The following SMG6 variants were observed in gnomAD, a reference collection of about 807,000 sequenced individuals.
SMG6 encodes the protein telomerase-binding protein EST1A.
In SMG6, 66 loss-of-function variants were observed where a neutral mutation model predicts 142.2. The ratio of observed to expected loss-of-function variants is 0.46; its 90% CI spans 0.38 to 0.57. The LOEUF (loss-of-function observed/expected upper bound fraction) is 0.57. SMG6 is among the 20% of genes least tolerant of loss of function. The pLI is 0.00. For synonymous variants in SMG6, 779 were observed against 702.4 expected (o/e 1.11, Z -1.72); for missense variants, 1,793 against 1,832.0 (o/e 0.98, Z 0.39).
rs971863217 is a variant in SMG6, at chr17:2,061,141, G to A, written c.*351C>T. ...TGTCTCCACTGGAGAAAGTGGCTGC[G>A]TCCCCAGGCGAGAAGGCCCTCCCTC... is the stretch of plus-strand genomic sequence containing the variant. On this transcript the variant is annotated 3_prime_UTR_variant, in exon 19 of 19. Coordinates refer to ENST00000263073, the MANE Select transcript of SMG6 (RefSeq NM_017575.5). 3.2e-5 allele frequency: 7 copies of A among 215,816 alleles called. No individual in the cohort carries two copies. The highest frequency in any genetic ancestry group is 1.6e-4 in the Admixed American group (3 of 19,252). 13.4% of individuals were successfully genotyped at this position (215,816 alleles called of 1,614,324 possible). A position where few individuals can be genotyped will look rare whatever the true frequency, so the allele number is the denominator to read the frequency against.
chr17:2,242,855 T>A (rs924825489), intron 9 of SMG6, among the ~76,000 whole-genome samples: 2 of 152,190 alleles, frequency 1.3e-5, no homozygotes, highest in Non-Finnish European at 2.9e-5. Flanking sequence ...CAGCCTTACA[T>A]TACTCACTAG....
chr17:2,130,266 C>CAAGAAAAAAAA (rs2070070037), intron 13 of SMG6, among the ~76,000 whole-genome samples: 1 of 39,532 alleles, frequency 2.5e-5, no homozygotes, highest in Non-Finnish European at 4.1e-5. Context: ...GACTCCGTCT[C>CAAGAAAAAAAA]AAAAAAAAAA....
chr17:2,173,060 A>G, intron 12 of SMG6: 1 of 591,238 alleles, frequency 1.7e-6, no homozygotes, highest in Non-Finnish European at 3.0e-6. Context: ...GGATTTATGC[A>G]AAGTTGAAAT....
intron 8 of SMG6, among the ~76,000 whole-genome samples, chr17:2,277,149 A>ATTTTTTTTT (rs2074668813): frequency 1.4e-5 from 1 of 73,700 alleles, no homozygotes; most frequent in African/African-American, 6.7e-5. Flanking sequence ...TTATTTATTT[A>ATTTTTTTTT]TTTATTTATT....
intron 8 of SMG6, among the ~76,000 whole-genome samples, chr17:2,247,399 T>C (rs930196319): frequency 6.6e-6 from 1 of 152,228 alleles, no homozygotes; most frequent in Non-Finnish European, 1.5e-5. Flanking sequence ...TAGATGTCAA[T>C]CATAAATTGG....
At chr17:2,061,818 TG>T (rs2067789704) in intron 18 of SMG6, 196 bp from the exon 19 acceptor site, 2 of 592,068 alleles carry the variant, frequency 3.4e-6, no homozygotes, top group Non-Finnish European at 5.9e-6. Context: ...AGGGCTGCAC[TG>T]GGCTTCTGCC....
chr17:2,242,525 G>T (rs935829660), intron 9 of SMG6, among the ~76,000 whole-genome samples: 1 of 149,638 alleles, frequency 6.7e-6, no homozygotes, highest in Admixed American at 6.6e-5. Flanking sequence ...GCGAGACTTC[G>T]TCTCAAAAAA....
chr17:2,150,581 C>A (rs2070796214), intron 13 of SMG6, among the ~76,000 whole-genome samples: 1 of 152,076 alleles, frequency 6.6e-6, no homozygotes, highest in Admixed American at 6.6e-5. Flanking sequence ...GGGTAGCTCA[C>A]CTCTAGGTGG....
At chr17:2,075,868 G>A (rs552218350) in intron 15 of SMG6, among the ~76,000 whole-genome samples, 1 of 152,338 alleles carries the variant, frequency 6.6e-6, no homozygotes, top group Admixed American at 6.5e-5. Flanking sequence ...GGCCTGCCTG[G>A]GCGCTGCAGC....
intron 10 of SMG6, among the ~76,000 whole-genome samples, chr17:2,191,368 AC>A (rs2072157233): frequency 6.6e-6 from 1 of 152,130 alleles, no homozygotes; most frequent in Admixed American, 6.5e-5. Context: ...GATCTAGGAA[AC>A]TGGCCCTAGT....
At chr17:2,117,373 A>C (rs943091769) in intron 13 of SMG6, among the ~76,000 whole-genome samples, 1 of 152,218 alleles carries the variant, frequency 6.6e-6, no homozygotes, top group African/African-American at 2.4e-5. Flanking sequence ...CTCTGTTTGC[A>C]GATGACATGA....
intron 6 of SMG6, among the ~76,000 whole-genome samples, chr17:2,292,052 A>AG (rs142889853): frequency 0.01 from 1,528 of 152,238 alleles, 30 homozygotes; most frequent in African/African-American, 0.034. Context: ...GATTAGACCT[A>AG]GGGAGGTACA....
chr17:2,175,854 CTGAT>C (rs1259340636), intron 12 of SMG6, among the ~76,000 whole-genome samples: 24 of 152,230 alleles, frequency 1.6e-4, no homozygotes, highest in Admixed American at 1.6e-3. Context: ...GTCTTGTGCT[CTGAT>C]TGTGAGTAGC....
intron 2 of SMG6, among the ~76,000 whole-genome samples, chr17:2,298,453 C>T (rs2075192709): frequency 6.6e-6 from 1 of 152,180 alleles, no homozygotes; most frequent in Admixed American, 6.5e-5. Flanking sequence ...GGCGCGGTGG[C>T]TCATGCCTGT....
intron 4 of SMG6, among the ~76,000 whole-genome samples, chr17:2,295,419 CCTT>C (rs1444673534): frequency 2.6e-5 from 4 of 152,322 alleles, no homozygotes; most frequent in Middle Eastern, 3.4e-3. Flanking sequence ...TGTCTTCCCT[CCTT>C]GTCTTCGCAG....
intron 18 of SMG6, 36 bp from the exon 19 acceptor site, chr17:2,061,658 G>C: frequency 6.4e-7 from 1 of 1,555,408 alleles, no homozygotes; most frequent in Non-Finnish European, 8.7e-7. Context: ...TGTCACTGAG[G>C]ACAGGAGGCA....
At chr17:2,119,701 G>A (rs1377558296) in intron 13 of SMG6, among the ~76,000 whole-genome samples, 7 of 151,858 alleles carry the variant, frequency 4.6e-5, no homozygotes, top group African/African-American at 1.7e-4. Flanking sequence ...TTGCTCTGTT[G>A]CCCAGGCTGG....
intron 10 of SMG6, among the ~76,000 whole-genome samples, chr17:2,223,661 T>C (rs1483307132): frequency 1.3e-5 from 2 of 152,214 alleles, no homozygotes; most frequent in Non-Finnish European, 1.5e-5. Flanking sequence ...ATGGCTCCTA[T>C]CACTTCAGCT....
intron 7 of SMG6, 62 bp from the exon 8 acceptor site, chr17:2,282,921 A>T: frequency 6.5e-7 from 1 of 1,546,694 alleles, no homozygotes; most frequent in South Asian, 1.1e-5. Flanking sequence ...CTGTAATCCC[A>T]GCACTTAGAG....
Sources: allele counts gnomAD v4.1 joint callset (sites outside exome capture counted in the v4.1 genomes callset), GRCh38; gene constraint gnomAD v4.1.1; transcripts MANE v1.5; gene names NCBI Gene and HGNC (gene_info 2026-07-23, HGNC 2026-07-21).